HSD11B1: variants seen among roughly 807,000 people sequenced by gnomAD.
The protein encoded by HSD11B1 is hydroxysteroid 11-beta dehydrogenase 1.
In HSD11B1, 15 loss-of-function variants were observed where a neutral mutation model predicts 22.1. The ratio of observed to expected loss-of-function variants is 0.68; its 90% CI spans 0.45 to 1.04. The LOEUF is 1.04. HSD11B1 is among the 50% of genes least tolerant of loss of function. The pLI, the probability that HSD11B1 is intolerant of heterozygous loss-of-function variation, is 0.00. For synonymous variants in HSD11B1, 122 were observed against 125.2 expected, an observed-to-expected ratio of 0.97 and a Z score of 0.17; for missense variants, 281 against 357.6, an observed-to-expected ratio of 0.79 and a Z score of 1.73.
chr1:209,692,413 C>T (rs1015705303), intron 1 of HSD11B1, among the ~76,000 whole-genome samples: 1 of 151,980 alleles, frequency 6.6e-6, no homozygotes, highest in African/African-American at 2.4e-5. Flanking sequence ...TGATAATTTA[C>T]ACTCAAAGAG....
chr1:209,723,793 G>A (rs1401923359), intron 4 of HSD11B1, among the ~76,000 whole-genome samples: 2 of 152,174 alleles, frequency 1.3e-5, no homozygotes, highest in Non-Finnish European at 2.9e-5. Flanking sequence ...GAGTAGGAAA[G>A]GTCTTATTTG....
At chr1:209,694,530 G>A (rs1406079761) in intron 1 of HSD11B1, among the ~76,000 whole-genome samples, 1 of 152,224 alleles carries the variant, frequency 6.6e-6, no homozygotes, top group African/African-American at 2.4e-5. Flanking sequence ...GGCAAGGGGA[G>A]GTTCCTGGGG....
chr1:209,693,006 G>A (rs2076770299), intron 1 of HSD11B1, among the ~76,000 whole-genome samples: 1 of 152,038 alleles, frequency 6.6e-6, no homozygotes, highest in African/African-American at 2.4e-5. Flanking sequence ...TTTATTTTCA[G>A]TTAACCCATA....
In HSD11B1 at chr1:209,732,474, A is replaced by ATAG; in HGVS notation, c.556_557insTAG (p.Ser186delinsIleGly). The stretch of plus-strand genomic sequence containing the variant: ...TCCAATGGTTGCTGCCTATTCTGCA[A>ATAG]GCAAGTTTGCTTTGGATGGGTTCTT... On this transcript the variant is annotated protein_altering_variant, in exon 5 of 6. Transcript: ENST00000367027. 5 of 1,614,160 alleles carry ATAG rather than the reference A, an allele frequency of 3.1e-6. No homozygotes were observed. Among genetic ancestry groups the ATAG allele is most frequent in the Non-Finnish European group, 4.2e-6 (5 of 1,180,004 alleles).
chr1:209,726,555 G>T (rs1016554994), intron 4 of HSD11B1, among the ~76,000 whole-genome samples: 9 of 152,126 alleles, frequency 5.9e-5, no homozygotes, highest in African/African-American at 2.2e-4. Flanking sequence ...TAGCACTTCA[G>T]CCTGCGTGGG....
At chr1:209,723,563 C>A (rs1220491098) in intron 4 of HSD11B1, among the ~76,000 whole-genome samples, 2 of 152,190 alleles carry the variant, frequency 1.3e-5, no homozygotes, top group Non-Finnish European at 2.9e-5. Flanking sequence ...CCTATGGCTG[C>A]CTCTAGTCCA....
At position 209,706,656 on chromosome 1, in the gene HSD11B1, C is replaced by G; in HGVS notation, c.220-53C>G. The G allele has an allele frequency of 8.2e-7, 1 of 1,223,100 alleles. No homozygotes were observed. Among genetic ancestry groups the G allele is most frequent in the East Asian group, 2.3e-5 (1 of 43,006 alleles). 75.8% of individuals were successfully genotyped at this position (1,223,100 alleles called of 1,614,324 possible). A position where few individuals can be genotyped will look rare whatever the true frequency, so the allele number is the denominator to read the frequency against. ...AAGCCCCCCGTTACTTCAGAGACTA[C>G]CCCCCAAAAATCTGCAGCTAAGACT... On this transcript the variant is annotated intron_variant, in intron 2 of 5. Coordinates refer to ENST00000367027, the MANE Select transcript of HSD11B1 (RefSeq NM_005525.4). This position sits in a 1 kb window ranked among gnomAD's most constrained non-coding sequence, Gnocchi z 4.0.
At chr1:209,690,424 C>T (rs6656906) in intron 1 of HSD11B1, among the ~76,000 whole-genome samples, 70,104 of 152,032 alleles carry the variant, frequency 0.46, 17,288 homozygotes, top group Non-Finnish European at 0.55. Flanking sequence ...GGGCCAGGAG[C>T]GGTGGCTCAT....
upstream of HSD11B1, among the ~76,000 whole-genome samples, chr1:209,704,273 A>C (rs867046618): frequency 5.3e-5 from 8 of 152,184 alleles, no homozygotes; most frequent in African/African-American, 1.7e-4. Flanking sequence ...ATTTCCCGCC[A>C]TCTGGGTTCT....
intron 1 of HSD11B1, among the ~76,000 whole-genome samples, chr1:209,694,438 G>T (rs905917298): frequency 6.6e-6 from 1 of 152,206 alleles, no homozygotes; most frequent in Non-Finnish European, 1.5e-5. Context: ...AATGCCTAGG[G>T]TTCAGAGAGC....
chr1:209,731,724 T>C (rs534150724), intron 4 of HSD11B1, among the ~76,000 whole-genome samples: 2 of 152,318 alleles, frequency 1.3e-5, no homozygotes, highest in South Asian at 2.1e-4. Flanking sequence ...TTCTGTTTTT[T>C]GTTTTTTTGA....
intron 5 of HSD11B1, among the ~76,000 whole-genome samples, chr1:209,733,627 C>A (rs889062188): frequency 2.6e-5 from 4 of 152,092 alleles, no homozygotes; most frequent in African/African-American, 9.7e-5. Context: ...GTACGGCCTA[C>A]AATTTTTACA....
At chr1:209,715,483 GA>G (rs2076924458) in intron 4 of HSD11B1, among the ~76,000 whole-genome samples, 1 of 151,782 alleles carries the variant, frequency 6.6e-6, no homozygotes. Context: ...GCAGTGGCAA[GA>G]AAGGTACAAG....
At chr1:209,731,670 AT>A (rs2077036584) in intron 4 of HSD11B1, among the ~76,000 whole-genome samples, 1 of 152,058 alleles carries the variant, frequency 6.6e-6, no homozygotes, top group Admixed American at 6.6e-5. Flanking sequence ...TCTGGTGAAC[AT>A]TTTTTTTAAA....
chr1:209,690,564 G>T (rs1020937986), intron 1 of HSD11B1, among the ~76,000 whole-genome samples: 1 of 152,024 alleles, frequency 6.6e-6, no homozygotes, highest in Non-Finnish European at 1.5e-5. Flanking sequence ...GAGCATGGTG[G>T]TGCATACCTG....
intron 1 of HSD11B1, among the ~76,000 whole-genome samples, chr1:209,695,762 A>G (rs1358699777): frequency 6.6e-6 from 1 of 152,194 alleles, no homozygotes; most frequent in Non-Finnish European, 1.5e-5. Context: ...AGCCAAGATC[A>G]TGCCACTGCA....
chr1:209,707,391 G>A (rs1373631208), intron 4 of HSD11B1, among the ~76,000 whole-genome samples: 2 of 152,036 alleles, frequency 1.3e-5, no homozygotes, highest in African/African-American at 4.8e-5. Flanking sequence ...AGCCTGTCCT[G>A]GTCCTAAGGG....
intron 4 of HSD11B1, among the ~76,000 whole-genome samples, chr1:209,713,684 G>C (rs2076912617): frequency 6.6e-6 from 1 of 151,986 alleles, no homozygotes; most frequent in South Asian, 2.1e-4. Context: ...ACATCCTCCT[G>C]GATACTTTAA....
intron 4 of HSD11B1, among the ~76,000 whole-genome samples, chr1:209,714,830 A>G (rs993623436): frequency 6.6e-6 from 1 of 152,222 alleles, no homozygotes. Context: ...TGTGTCACAG[A>G]GCAGGTTTGG....
Sources: gnomAD v4.1 joint callset for allele counts (sites outside exome capture counted in the v4.1 genomes callset) on GRCh38, gnomAD v4.1.1 for gene constraint, Gnocchi (gnomAD v3.1) non-coding constraint, MANE v1.5 for transcripts, NCBI Gene and HGNC (gene_info 2026-07-23, HGNC 2026-07-21) for gene names.